Variants in ACP7 observed in about 807,000 individuals in gnomAD.
The protein encoded by ACP7 is acid phosphatase 7, tartrate resistant (putative).
In ACP7, 58 loss-of-function variants were observed where a neutral mutation model predicts 60.6. The ratio of observed to expected loss-of-function variants is 0.96; its 90% CI spans 0.77 to 1.19. ACP7 has a LOEUF of 1.19. Among genes scored for constraint, ACP7 ranks in the 50% most tolerant of loss-of-function variants. The pLI is 0.00. For missense variants in ACP7, 574 were observed against 596.2 expected (o/e 0.96, Z 0.39); for synonymous variants, 237 against 232.6 (o/e 1.02, Z -0.17).
chr19:39,092,370 G>GTATATATATA (rs59033785), intron 2 of ACP7, among the ~76,000 whole-genome samples: 33 of 149,236 alleles, frequency 2.2e-4, no homozygotes, highest in Middle Eastern at 3.5e-3. Context: ...GCGAAACTCT[G>GTATATATATA]TATATATATA....
chr19:39,091,405 C>T (rs1489381945), intron 2 of ACP7, among the ~76,000 whole-genome samples: 1 of 151,924 alleles, frequency 6.6e-6, no homozygotes, highest in Non-Finnish European at 1.5e-5. Context: ...TCATGATCTG[C>T]CTGCCTCAGC....
intron 2 of ACP7, among the ~76,000 whole-genome samples, chr19:39,087,004 C>A (rs1432222731): frequency 1.3e-5 from 2 of 151,886 alleles, no homozygotes; most frequent in African/African-American, 2.4e-5. Flanking sequence ...TTTTAAAAAT[C>A]TTTTATTTAT....
At chr19:39,107,127 G>A (rs895522993) in intron 12 of ACP7, 43 bp downstream of exon 12, 6 of 1,589,136 alleles carry the variant, frequency 3.8e-6, no homozygotes, top group South Asian at 1.1e-5. Flanking sequence ...GTACAGCCAG[G>A]CCCCTCCAAG....
At chr19:39,104,490 T>C (rs1441017236) in intron 11 of ACP7, among the ~76,000 whole-genome samples, 1 of 152,194 alleles carries the variant, frequency 6.6e-6, no homozygotes, top group Admixed American at 6.6e-5. Flanking sequence ...TAGAATGCTG[T>C]GAGCACCAGA....
rs1000596339 is a variant in ACP7 at position 39,111,445 on chromosome 19, A to AT, written c.*1327_*1328insT. 4 of 152,264 alleles carry AT rather than the reference A, an allele frequency of 2.6e-5. No homozygotes were observed. The highest frequency in any genetic ancestry group is 4.4e-5 in the Non-Finnish European group (3 of 68,098). The allele number at this position is 152,264 out of a possible 1,614,324, so 9.4% of individuals were successfully genotyped here. On this transcript the variant is annotated 3_prime_UTR_variant, in exon 13 of 13. Coordinates refer to ENST00000331256, the MANE Select transcript of ACP7 (RefSeq NM_001004318.3). ...AACAGAGCAAGACCCTGTCTCAAAA[A>AT]ATATATATAAATAAAAAAGTTTTAA...
rs1158352415 is a variant in ACP7, at chr19:39,098,964, T to C, written c.327T>C (p.Tyr109=). 1.2e-6 allele frequency: 2 copies of C among 1,608,598 alleles called. No individual in the cohort carries two copies. The highest frequency in any genetic ancestry group is 4.5e-5 in the East Asian group (2 of 44,486). The part of the protein sequence containing the change: ...RKLLPGVQYV[Y]RCGSAQGWSR... The stretch of plus-strand genomic sequence containing the variant: ...ACCTTTTCCTCTCCCATTCAGTTTA[T>C]CGCTGTGGCAGTGCGCAGGGCTGGA... Residue 109 remains tyrosine, a synonymous_variant, in exon 4 of 13, where the codon TAT becomes TAC. Transcript: ENST00000331256.
At chr19:39,102,723 C>CTTTCTTTCTTTCTTTCTT (rs1175672578) in intron 11 of ACP7, among the ~76,000 whole-genome samples, 9 of 72,348 alleles carry the variant, frequency 1.2e-4, no homozygotes, top group Admixed American at 3.0e-4. Flanking sequence ...ACTTTTCTTT[C>CTTTCTTTCTTTCTTTCTT]TTTCTTTCTT....
At chr19:39,097,842 T>C (rs1033420770) in intron 2 of ACP7, among the ~76,000 whole-genome samples, 2 of 152,152 alleles carry the variant, frequency 1.3e-5, no homozygotes, top group African/African-American at 4.8e-5. Flanking sequence ...ACGTGCTTTA[T>C]TTATATTTAT....
At chr19:39,087,633 T>G (rs1455670462) in intron 2 of ACP7, among the ~76,000 whole-genome samples, 1 of 23,116 alleles carries the variant, frequency 4.3e-5, no homozygotes, top group African/African-American at 1.3e-4. Context: ...GCTAATTTTG[T>G]TTTTTTTTTT....
chr19:39,087,005 T>TTTTA (rs953259683), intron 2 of ACP7, among the ~76,000 whole-genome samples: 7 of 152,202 alleles, frequency 4.6e-5, no homozygotes, highest in African/African-American at 1.4e-4. Context: ...TTTAAAAATC[T>TTTTA]TTTATTTATT....
chr19:39,110,108 T>A lies in ACP7; in HGVS notation c.1307T>A (p.Met436Lys), dbSNP rs760713108. The change falls in exon 13 of 13, where the codon ATG (methionine) becomes AAG (lysine). Residue 436 changes from methionine to lysine, a missense_variant. Met to Lys is a moderately conservative substitution (Grantham distance 95). Transcript: ENST00000331256. Reference sequence around the variant, plus strand: ...GTGAGACCCCTGTTTGGCCGGAGGATGTACCTCTAGGGATGGCGGCAGCTC... The same window carrying A: ...GTGAGACCCCTGTTTGGCCGGAGGAAGTACCTCTAGGGATGGCGGCAGCTC... ...WVVRPLFGRR[M>K]YL 6.2e-7 allele frequency: 1 copy of A among 1,613,526 alleles called. No individual in the cohort carries two copies. Among genetic ancestry groups the A allele is most frequent in the Non-Finnish European group, 8.5e-7 (1 of 1,179,560 alleles).
At chr19:39,098,869 C>T (rs1025862904) in intron 3 of ACP7, 91 bp from the exon 4 acceptor site, 59 of 1,433,356 alleles carry the variant, frequency 4.1e-5, no homozygotes, top group Non-Finnish European at 5.2e-5. Flanking sequence ...GTCCCCCCAT[C>T]TCCTCCCCTC....
chr19:39,091,310 G>A (rs186729925), intron 2 of ACP7, among the ~76,000 whole-genome samples: 74 of 151,974 alleles, frequency 4.9e-4, no homozygotes, highest in African/African-American at 1.6e-3. Flanking sequence ...CTACAGGCGT[G>A]CACCACCAAG....
rs1192336870 is a variant in ACP7, at chr19:39,107,525, A to T, written c.1251+441A>T. 2.7e-5 allele frequency among the ~76,000 whole-genome samples: 4 copies of T among 145,880 alleles called. No homozygotes were observed. The Admixed American group carries it at 2.8e-4, about 10-fold the overall frequency. On this transcript the variant is annotated intron_variant, in intron 12 of 12. Coordinates refer to ENST00000331256, the MANE Select transcript of ACP7 (RefSeq NM_001004318.3). Reference sequence around the variant, plus strand: ...CGTGAACCCGGGAGGCAGAGCTTGCAGTGAGCCGAGATCGCACCACTCCAG... The same window carrying T: ...CGTGAACCCGGGAGGCAGAGCTTGCTGTGAGCCGAGATCGCACCACTCCAG...
chr19:39,089,043 C>G (rs544857360), intron 2 of ACP7, among the ~76,000 whole-genome samples: 1 of 152,062 alleles, frequency 6.6e-6, no homozygotes, highest in African/African-American at 2.4e-5. Context: ...GATTCTCCTG[C>G]CTCAGTCTCT....
At chr19:39,102,749 TTCTTTCTTTCTTTCTTTC>T (rs1028263122) in intron 11 of ACP7, among the ~76,000 whole-genome samples, 15 of 84,810 alleles carry the variant, frequency 1.8e-4, no homozygotes, top group Admixed American at 5.2e-4. Context: ...CTTTCTTTCT[TTCTTTCTTTCTTTCTTTC>T]TCTCTCTCTC....
intron 1 of ACP7, among the ~76,000 whole-genome samples, chr19:39,084,817 G>C (rs566694698): frequency 1.3e-5 from 2 of 152,052 alleles, no homozygotes; most frequent in Non-Finnish European, 2.9e-5. Context: ...CCAGCACTGA[G>C]AGTGAGCTCT....
At chr19:39,100,493 A>C in intron 5 of ACP7, 87 bp from the exon 6 acceptor site, 3 of 1,601,462 alleles carry the variant, frequency 1.9e-6, no homozygotes, top group Non-Finnish European at 2.6e-6. Flanking sequence ...TGGAAGCTGG[A>C]CTCAGGGCCT....
At chr19:39,094,842 C>T (rs924208461) in intron 2 of ACP7, among the ~76,000 whole-genome samples, 1 of 152,160 alleles carries the variant, frequency 6.6e-6, no homozygotes, top group African/African-American at 2.4e-5. Context: ...TACAGTTCCA[C>T]ATGGCTGGGG....
Sources: allele counts gnomAD v4.1 joint callset (sites outside exome capture counted in the v4.1 genomes callset), GRCh38; gene constraint gnomAD v4.1.1; transcripts MANE v1.5; gene names NCBI Gene and HGNC (gene_info 2026-07-23, HGNC 2026-07-21).